The following FXYD6 variants were observed in gnomAD, a reference collection of about 807,000 sequenced individuals.
FXYD6 encodes the protein FXYD domain-containing ion transport regulator 6.
A neutral mutation model predicts 16.7 loss-of-function variants in FXYD6; 7 were observed. That is an observed-to-expected ratio of 0.42 (90% CI 0.24 to 0.79). The LOEUF is 0.79. Ranked by LOEUF, FXYD6 falls within the 30% of genes least tolerant of loss-of-function variation. The pLI is 0.28. For missense variants in FXYD6, 111 were observed against 116.2 expected, an observed-to-expected ratio of 0.95 and a Z score of 0.21; for synonymous variants, 49 against 43.0, an observed-to-expected ratio of 1.14 and a Z score of -0.54.
intron 1 of FXYD6, among the ~76,000 whole-genome samples, chr11:117,851,204 TGACCA>T (rs1189338690): frequency 1.3e-5 from 2 of 152,206 alleles, no homozygotes; most frequent in African/African-American, 2.4e-5. Flanking sequence ...TTGGTCTGTA[TGACCA>T]GGAAAATATG....
At chr11:117,853,750 C>G (rs1203341536) in intron 1 of FXYD6, among the ~76,000 whole-genome samples, 1 of 152,174 alleles carries the variant, frequency 6.6e-6, no homozygotes, top group African/African-American at 2.4e-5. Flanking sequence ...GGCTCGGCCT[C>G]CTTAAGTGTT....
intron 1 of FXYD6, chr11:117,858,431 C>G (rs1461548290): frequency 2.6e-5 from 4 of 152,448 alleles, no homozygotes; most frequent in African/African-American, 4.8e-5. Flanking sequence ...CATGTCAGGG[C>G]TGCTTTCTCC....
intron 1 of FXYD6, among the ~76,000 whole-genome samples, chr11:117,856,433 A>G (rs1322873698): frequency 6.6e-6 from 1 of 151,628 alleles, no homozygotes; most frequent in East Asian, 1.9e-4. Flanking sequence ...CTGGCATCCC[A>G]CCTGCTTGCC....
intron 1 of FXYD6, among the ~76,000 whole-genome samples, chr11:117,860,876 TC>T (rs2056889460): frequency 6.6e-6 from 1 of 152,206 alleles, no homozygotes; most frequent in South Asian, 2.1e-4. Flanking sequence ...TTACGATCAT[TC>T]CCTTTACACA....
In FXYD6 at chr11:117,863,066, A is replaced by C. The variant is rs1708058442; in HGVS notation, c.-6+13526T>G. ...CAAAGAAACATCACAACTCCATGGG[A>C]TGTTGGTTATTACTGCTATTTTACA... On this transcript the variant is annotated intron_variant, in intron 1 of 7. Transcript: ENST00000526014. Among the ~76,000 whole-genome samples the C allele has an allele frequency of 2.0e-5, 3 of 152,140 alleles. No individual in the cohort carries two copies. The South Asian group carries it at 6.2e-4, about 32-fold the overall frequency.
At chr11:117,847,551 C>T (rs2056501942) in intron 1 of FXYD6, among the ~76,000 whole-genome samples, 1 of 140,682 alleles carries the variant, frequency 7.1e-6, no homozygotes, top group Non-Finnish European at 1.5e-5. Flanking sequence ...GTGTGATGTT[C>T]CCCTTCCTGT....
intron 1 of FXYD6, among the ~76,000 whole-genome samples, chr11:117,847,411 C>T (rs932555379): frequency 6.6e-5 from 10 of 151,990 alleles, no homozygotes; most frequent in Admixed American, 2.6e-4. Context: ...ATGTGCACAA[C>T]GTGCAGGTTT....
At chr11:117,868,302 G>A (rs2057054502) in intron 1 of FXYD6, among the ~76,000 whole-genome samples, 1 of 152,124 alleles carries the variant, frequency 6.6e-6, no homozygotes, top group Non-Finnish European at 1.5e-5. Context: ...TGAAAGGGAT[G>A]GAAAACCCAG....
chr11:117,858,603 C>T (rs914648052), intron 1 of FXYD6, among the ~76,000 whole-genome samples: 11 of 152,020 alleles, frequency 7.2e-5, no homozygotes, highest in Non-Finnish European at 1.2e-4. Flanking sequence ...TTTTGTAAAA[C>T]GGAGAGTCGA....
intron 1 of FXYD6, among the ~76,000 whole-genome samples, chr11:117,851,298 C>T (rs2056606033): frequency 6.6e-6 from 1 of 151,438 alleles, no homozygotes; most frequent in Non-Finnish European, 1.5e-5. Flanking sequence ...TCTCTCTCTC[C>T]CTCCCTCTCG....
chr11:117,845,912 G>A (rs553270762), intron 1 of FXYD6, among the ~76,000 whole-genome samples: 1 of 152,168 alleles, frequency 6.6e-6, no homozygotes, highest in Admixed American at 6.5e-5. Context: ...TCCTTAATGG[G>A]TCACACTCGG....
intron 1 of FXYD6, among the ~76,000 whole-genome samples, chr11:117,858,631 TTTTCTTTCTTTC>T (rs758256700): frequency 0.067 from 7,099 of 105,638 alleles, 433 homozygotes; most frequent in Non-Finnish European, 0.083. Flanking sequence ...TCATTTTCTT[TTTTCTTTCTTTC>T]TTTCTTTCTT....
At chr11:117,860,712 A>G (rs1203933541) in intron 1 of FXYD6, among the ~76,000 whole-genome samples, 3 of 152,232 alleles carry the variant, frequency 2.0e-5, no homozygotes, top group South Asian at 2.1e-4. Flanking sequence ...ATCAAGGTCA[A>G]GTGAGATAAT....
chr11:117,839,662 A>C, intron 7 of FXYD6, 119 bp downstream of exon 7: 1 of 1,232,754 alleles, frequency 8.1e-7, no homozygotes, highest in South Asian at 1.3e-5. Context: ...GGCAGGGCCC[A>C]TAATAAAAGC....
At chr11:117,842,218 C>T (rs1351076589) in intron 2 of FXYD6, 190 bp from the exon 3 acceptor site, 15 of 751,080 alleles carry the variant, frequency 2.0e-5, no homozygotes, top group South Asian at 9.3e-5. Flanking sequence ...CCCTAAGGGC[C>T]GAGGTCAGTG....
rs2056823090 is a variant in FXYD6 at position 117,858,723 on chromosome 11, C to CTCT, written c.-5-15943_-5-15942insAGA. On this transcript the variant is annotated intron_variant, in intron 1 of 7. Transcript: ENST00000526014. ...TCTTTCTCTCTCTCTCTCCTTCCTT[C>CTCT]CCTTCCTTCCTTCCTTCCTTCCTTC... Among the ~76,000 whole-genome samples the CTCT allele has an allele frequency of 4.1e-4, 17 of 41,238 alleles. 3 individuals carry two copies. The Admixed American group carries it at 5.8e-3, about 14-fold the overall frequency. 27.1% of individuals were successfully genotyped at this position (41,238 alleles called of 152,430 possible). A position where few individuals can be genotyped will look rare whatever the true frequency, so the allele number is the denominator to read the frequency against.
chr11:117,850,669 A>G (rs1485706696), intron 1 of FXYD6, among the ~76,000 whole-genome samples: 1 of 148,808 alleles, frequency 6.7e-6, no homozygotes, highest in African/African-American at 2.5e-5. Context: ...TTTTATTTTT[A>G]TTTTTTTGGG....
At chr11:117,859,657 C>T (rs533556494) in intron 1 of FXYD6, among the ~76,000 whole-genome samples, 48 of 152,242 alleles carry the variant, frequency 3.2e-4, no homozygotes, top group African/African-American at 1.0e-3. Flanking sequence ...CTAAGGAGGC[C>T]TTAAAAAGCC....
rs775093203 is a variant in FXYD6, at chr11:117,841,795, G to A, written c.168C>T (p.Ile56=). The A allele has an allele frequency of 6.2e-7, 1 of 1,613,818 alleles. No individual in the cohort carries two copies. Among genetic ancestry groups the A allele is most frequent in the Non-Finnish European group, 8.5e-7 (1 of 1,180,010 alleles). The change falls in exon 4 of 8, where the codon ATC becomes ATT. Residue 56 remains isoleucine, a synonymous_variant. Coordinates refer to ENST00000526014, the MANE Select transcript of FXYD6 (RefSeq NM_022003.4). ...VVLFSVGILL[I]LSRRCKCSFN... Reference sequence around the variant, plus strand: ...TGAGCAAAAGAACAAACTTACTTAGGATAAGGAGGATCCCAACCGAGAAGA... The same window carrying A: ...TGAGCAAAAGAACAAACTTACTTAGAATAAGGAGGATCCCAACCGAGAAGA...
Sources: allele counts gnomAD v4.1 joint callset (sites outside exome capture counted in the v4.1 genomes callset), GRCh38; gene constraint gnomAD v4.1.1; transcripts MANE v1.5; gene names NCBI Gene and HGNC (gene_info 2026-07-23, HGNC 2026-07-21).